The following SHC3 variants were observed in gnomAD, a reference collection of about 807,000 sequenced individuals.
The protein encoded by SHC3 is SHC adaptor protein 3.
Under a neutral mutation model 60.4 loss-of-function variants are expected in SHC3, and 15 were observed. The observed-to-expected ratio is 0.25, with a 90% confidence interval of 0.17 to 0.38. SHC3 has a LOEUF of 0.38. SHC3 is among the 10% of genes least tolerant of loss of function. The pLI, the probability that SHC3 is intolerant of heterozygous loss-of-function variation, is 1.00. For missense variants in SHC3, 677 were observed against 786.1 expected, an observed-to-expected ratio of 0.86 and a Z score of 1.66; for synonymous variants, 294 against 325.9, an observed-to-expected ratio of 0.90 and a Z score of 1.05.
At chr9:89,033,637 A>G (rs1824527375) in intron 11 of SHC3, among the ~76,000 whole-genome samples, 1 of 151,998 alleles carries the variant, frequency 6.6e-6, no homozygotes, top group African/African-American at 2.4e-5. Context: ...GCCAGGCACT[A>G]CTCTACATAT....
intron 10 of SHC3, among the ~76,000 whole-genome samples, chr9:89,038,637 C>A (rs180927564): frequency 6.6e-6 from 1 of 152,206 alleles, no homozygotes; most frequent in Non-Finnish European, 1.5e-5. Flanking sequence ...TCACATGCCA[C>A]GTACTTTCTC....
At chr9:89,149,169 G>A (rs192261134) in intron 1 of SHC3, among the ~76,000 whole-genome samples, 11 of 152,144 alleles carry the variant, frequency 7.2e-5, no homozygotes, top group East Asian at 5.8e-4. Flanking sequence ...AGTCTCCACC[G>A]CACACTGGTG....
intron 2 of SHC3, among the ~76,000 whole-genome samples, chr9:89,091,048 T>C (rs1337689736): frequency 3.9e-5 from 6 of 152,228 alleles, no homozygotes; most frequent in Non-Finnish European, 5.9e-5. Flanking sequence ...TGAAAACTCA[T>C]GCTATGTTCC....
At chr9:89,175,968 A>G (rs1232081331) in intron 1 of SHC3, among the ~76,000 whole-genome samples, 1 of 152,244 alleles carries the variant, frequency 6.6e-6, no homozygotes, top group East Asian at 1.9e-4. Flanking sequence ...ACACTTTAGC[A>G]TCTGGTTTTC....
intron 6 of SHC3, among the ~76,000 whole-genome samples, chr9:89,055,630 A>C (rs1824936772): frequency 6.6e-6 from 1 of 152,190 alleles, no homozygotes; most frequent in Admixed American, 6.5e-5. Context: ...CTTGCACCAG[A>C]ACCAAATGCA....
At chr9:89,092,240 C>T (rs1825632180) in intron 2 of SHC3, among the ~76,000 whole-genome samples, 1 of 152,150 alleles carries the variant, frequency 6.6e-6, no homozygotes, top group Non-Finnish European at 1.5e-5. Flanking sequence ...AGGGTCCTCA[C>T]AGCATTGTTT....
chr9:89,080,469 T>C (rs900705352), intron 2 of SHC3, among the ~76,000 whole-genome samples: 16 of 152,122 alleles, frequency 1.1e-4, no homozygotes, highest in African/African-American at 3.9e-4. Flanking sequence ...AATCATGTAG[T>C]AGCATCTTTC....
intron 11 of SHC3, among the ~76,000 whole-genome samples, chr9:89,018,243 A>G (rs1826129686): frequency 6.6e-6 from 1 of 152,220 alleles, no homozygotes; most frequent in Admixed American, 6.5e-5. Flanking sequence ...AACCAACCCA[A>G]ATGCTCATCA....
At chr9:89,090,217 G>C (rs148405016) in intron 2 of SHC3, among the ~76,000 whole-genome samples, 4 of 152,314 alleles carry the variant, frequency 2.6e-5, no homozygotes, top group African/African-American at 4.8e-5. Flanking sequence ...CAGAGGCAAA[G>C]AGAGTCCAGG....
intron 11 of SHC3, among the ~76,000 whole-genome samples, chr9:89,035,950 T>C (rs1207425325): frequency 2.0e-5 from 3 of 150,792 alleles, no homozygotes; most frequent in Admixed American, 2.0e-4. Context: ...AAAGTCTACA[T>C]GTGAAAGATA....
chr9:89,148,115 T>C (rs1015968585), intron 1 of SHC3, among the ~76,000 whole-genome samples: 1 of 152,264 alleles, frequency 6.6e-6, no homozygotes, highest in African/African-American at 2.4e-5. Context: ...TCATAATTTC[T>C]TCATTAACTT....
intron 1 of SHC3, among the ~76,000 whole-genome samples, chr9:89,132,233 C>T (rs1485168524): frequency 2.6e-5 from 4 of 152,172 alleles, no homozygotes; most frequent in African/African-American, 7.2e-5. Flanking sequence ...AGGAGAACTA[C>T]AAACCACTGC....
intron 2 of SHC3, among the ~76,000 whole-genome samples, chr9:89,083,820 T>C (rs1587717378): frequency 6.6e-6 from 1 of 152,164 alleles, no homozygotes; most frequent in Non-Finnish European, 1.5e-5. Flanking sequence ...AGGTGGGCCA[T>C]GTCTGAGAGC....
At chr9:89,103,082 C>T (rs1262458566) in intron 2 of SHC3, among the ~76,000 whole-genome samples, 1 of 152,170 alleles carries the variant, frequency 6.6e-6, no homozygotes, top group African/African-American at 2.4e-5. Flanking sequence ...GAAAGGTGTG[C>T]TGCAGCCAGG....
At chr9:89,019,654 C>T (rs1420016690) in intron 11 of SHC3, among the ~76,000 whole-genome samples, 1 of 152,170 alleles carries the variant, frequency 6.6e-6, no homozygotes, top group Non-Finnish European at 1.5e-5. Context: ...ATACCATTTA[C>T]ATTGGCACCC....
At chr9:89,131,445 GAC>G (rs1228056593) in intron 1 of SHC3, among the ~76,000 whole-genome samples, 1 of 152,146 alleles carries the variant, frequency 6.6e-6, no homozygotes, top group Non-Finnish European at 1.5e-5. Context: ...GCCTGGCAGA[GAC>G]ACAACAAAGA....
intron 11 of SHC3, among the ~76,000 whole-genome samples, chr9:89,017,653 T>G (rs1826119291): frequency 6.6e-6 from 1 of 152,080 alleles, no homozygotes; most frequent in South Asian, 2.1e-4. Context: ...AAATGGGATC[T>G]AATTAAACAA....
At chr9:89,035,860 T>TATATATATA (rs1336399611) in intron 11 of SHC3, among the ~76,000 whole-genome samples, 6 of 100,358 alleles carry the variant, frequency 6.0e-5, no homozygotes, top group Non-Finnish European at 7.9e-5. Flanking sequence ...GATGTGTGTG[T>TATATATATA]GTGTGTGTGT....
At position 89,165,260 on chromosome 9, in the gene SHC3, T is replaced by TTGTGTGTGTG. The variant is rs10626309; in HGVS notation, c.474+12717_474+12726dup. 3.3e-3 allele frequency among the ~76,000 whole-genome samples: 495 copies of TTGTGTGTGTG among 148,620 alleles called. 2 individuals carry two copies. The highest frequency in any genetic ancestry group is 0.011 in the African/African-American group (458 of 40,578). On this transcript the variant is annotated intron_variant, in intron 1 of 11. Coordinates refer to ENST00000375835, the MANE Select transcript of SHC3 (RefSeq NM_016848.6). ...AAAGAAAGAAAAGAAAAAGACGTGT[T>TTGTGTGTGTG]TGTGTGTGTGTGTGTGTGTGTGTGT...
Sources: allele counts gnomAD v4.1 joint callset (sites outside exome capture counted in the v4.1 genomes callset), GRCh38; gene constraint gnomAD v4.1.1; transcripts MANE v1.5; gene names NCBI Gene and HGNC (gene_info 2026-07-23, HGNC 2026-07-21).